Variants in KRT86 observed in about 807,000 individuals in gnomAD.
KRT86 encodes keratin 86.
In KRT86, 30 loss-of-function variants were observed where a neutral mutation model predicts 41.2. The observed-to-expected ratio is 0.73, with a 90% confidence interval of 0.54 to 0.99. The LOEUF (loss-of-function observed/expected upper bound fraction) is 0.99, where lower values mean the gene tolerates loss of function less well. KRT86 is among the 50% of genes least tolerant of loss of function. KRT86 has a pLI of 0.00. For synonymous variants in KRT86, 238 were observed against 238.1 expected, an observed-to-expected ratio of 1.00 and a Z score of 0.00; for missense variants, 561 against 571.4, an observed-to-expected ratio of 0.98 and a Z score of 0.19.
chr12:52,288,642 T>A (rs1938045506), intron 2 of KRT86, among the ~76,000 whole-genome samples: 1 of 152,092 alleles, frequency 6.6e-6, no homozygotes, highest in Non-Finnish European at 1.5e-5. Flanking sequence ...TGACAAACCC[T>A]GTTTGCCTTG....
intron 2 of KRT86, among the ~76,000 whole-genome samples, chr12:52,294,126 C>G (rs773139980): frequency 1.3e-5 from 2 of 152,166 alleles, no homozygotes; most frequent in Non-Finnish European, 2.9e-5. Context: ...GCCAGCACTT[C>G]TGAAGCTCTT....
intron 2 of KRT86, among the ~76,000 whole-genome samples, chr12:52,288,684 G>A (rs1370973109): frequency 4.0e-5 from 6 of 151,680 alleles, no homozygotes; most frequent in Non-Finnish European, 8.8e-5. Context: ...ACCCCTCCTT[G>A]CCCTCCTGTC....
At position 52,291,335 on chromosome 12, in the gene KRT86, C is replaced by T. The variant is rs1332292612; in HGVS notation, c.-4-10578C>T. On this transcript the variant is annotated intron_variant, in intron 2 of 10. Transcript: ENST00000423955. ...TCCGCACACGCTGTGGCTGCCGAAG[C>T]CCCCGGTGAGGCCGCGGTAGCAGGA... is the stretch of plus-strand genomic sequence containing the variant. 1.9e-6 allele frequency: 3 copies of T among 1,560,138 alleles called. No individual in the cohort carries two copies. Among genetic ancestry groups the T allele is most frequent in the African/African-American group, 1.4e-5 (1 of 73,414 alleles).
intron 2 of KRT86, chr12:52,291,145 C>T: frequency 4.8e-6 from 5 of 1,048,398 alleles, no homozygotes; most frequent in Non-Finnish European, 6.6e-6. Flanking sequence ...TGATCTGCTC[C>T]TTCTCCTCCT....
intron 2 of KRT86, among the ~76,000 whole-genome samples, chr12:52,282,236 A>AT (rs11376852): frequency 0.18 from 26,058 of 145,548 alleles, 2,526 homozygotes; most frequent in Non-Finnish European, 0.23. Context: ...CCCTGAAACA[A>AT]TTTTTTTTTT....
chr12:52,304,697 G>A (rs1276367813), intron 5 of KRT86, among the ~76,000 whole-genome samples: 1 of 151,818 alleles, frequency 6.6e-6, no homozygotes, highest in Admixed American at 6.6e-5. Flanking sequence ...GGAGAGATAA[G>A]AGGGTAAGGA....
intron 2 of KRT86, chr12:52,291,499 G>A (rs1750811612): frequency 1.9e-6 from 3 of 1,610,472 alleles, no homozygotes; most frequent in Admixed American, 3.3e-5. Context: ...CAGAGGACAG[G>A]ATAGGGGACC....
Position 52,301,986 on chromosome 12 carries a change from C to T in KRT86, c.70C>T (p.Arg24Cys). 2 of 1,613,238 alleles carry T rather than the reference C, an allele frequency of 1.2e-6. No homozygotes were observed. The highest frequency in any genetic ancestry group is 1.1e-5 in the South Asian group (1 of 91,056). The change falls in exon 3 of 11, where the codon CGC becomes TGC. Residue 24 changes from arginine to cysteine, a missense_variant. By Grantham distance (180) the Arg-to-Cys change is radical. Transcript: ENST00000423955. ...CTCGGCCTGCGGGCCCCGGCCCGGC[C>T]GCTGCTGCATCACCGCCGCCCCCTA... ...CISACGPRPGRCCITAAPYRG... is the reference protein window; with the variant it reads ...CISACGPRPGCCCITAAPYRG...
At position 52,306,127 on chromosome 12, in the gene KRT86, G is replaced by C; in HGVS notation, c.1094G>C (p.Arg365Pro). The C allele has an allele frequency of 6.2e-7, 1 of 1,614,010 alleles. No homozygotes were observed. The highest frequency in any genetic ancestry group is 8.5e-7 in the Non-Finnish European group (1 of 1,180,040). ...QQGEAALSDA[R>P]CKLAELEGAL... ...GGTGAGGCGGCCCTCAGCGATGCCCGCTGCAAGTTGGCCGAGCTGGAGGGT... is the reference window on the plus strand; with the variant it reads ...GGTGAGGCGGCCCTCAGCGATGCCCCCTGCAAGTTGGCCGAGCTGGAGGGT... Residue 365 changes from arginine (R) to proline (P), a missense_variant, in exon 9 of 11, where the codon CGC (arginine) becomes CCC (proline). Around this residue, in one of 3 missense-constraint regions of KRT86, gnomAD observed 397 missense variants for 375.9 expected, o/e 1.06. Transcript: ENST00000423955.
chr12:52,292,820 T>G (rs1202897275), intron 2 of KRT86, among the ~76,000 whole-genome samples: 2 of 152,154 alleles, frequency 1.3e-5, no homozygotes, highest in African/African-American at 2.4e-5. Context: ...CCAGGAAGCA[T>G]AAAATGTCAG....
chr12:52,296,810 G>C (rs1938261525), intron 2 of KRT86, among the ~76,000 whole-genome samples: 1 of 152,224 alleles, frequency 6.6e-6, no homozygotes, highest in African/African-American at 2.4e-5. Flanking sequence ...TGAGTAGAAA[G>C]CATGAGCCAG....
chr12:52,281,722 T>C (rs1937775493), intron 2 of KRT86, among the ~76,000 whole-genome samples: 1 of 152,162 alleles, frequency 6.6e-6, no homozygotes, highest in Non-Finnish European at 1.5e-5. Flanking sequence ...AGATTCTTTT[T>C]TTCCTTCTTA....
chr12:52,308,251 C>G lies in KRT86; in HGVS notation c.1266C>G (p.Gly422=). The G allele has an allele frequency of 6.2e-7, 1 of 1,614,224 alleles. No individual in the cohort carries two copies. The highest frequency in any genetic ancestry group is 2.2e-5 in the East Asian group (1 of 44,886). The change falls in exon 10 of 11, where the codon GGC becomes GGG. Residue 422 remains glycine (G), a synonymous_variant. Coordinates refer to ENST00000423955, the MANE Select transcript of KRT86 (RefSeq NM_001320198.2). The part of the protein sequence containing the change: ...GEEQRLCEGV[G]SVNVCVSSSR... ...CCTGCAGGCTGTGCGAGGGCGTCGG[C>G]TCGGTGAATGTCTGTAAGTAGTGGG...
rs1002823327 is a variant in KRT86, at chr12:52,306,470, T to G, written c.1247+190T>G. 5.0e-6 allele frequency: 4 copies of G among 797,714 alleles called. No homozygotes were observed. The African/African-American group carries it at 6.9e-5, about 14-fold the overall frequency. 49.4% of individuals were successfully genotyped at this position (797,714 alleles called of 1,614,324 possible). A position where few individuals can be genotyped will look rare whatever the true frequency, so the allele number is the denominator to read the frequency against. ...TCTCTCATGTTCACCCAGGCACTGA[T>G]CTGAGATTGCAGTCTTGTTCATCTC... On this transcript the variant is annotated intron_variant, in intron 9 of 10. Coordinates refer to ENST00000423955, the MANE Select transcript of KRT86 (RefSeq NM_001320198.2).
intron 2 of KRT86, among the ~76,000 whole-genome samples, chr12:52,283,417 G>T (rs956497122): frequency 1.1e-5 from 1 of 87,714 alleles, no homozygotes; most frequent in African/African-American, 4.5e-5. Context: ...AAAAAAAAAA[G>T]AATAATAGAG....
chr12:52,300,352 A>C (rs879212363), intron 2 of KRT86, among the ~76,000 whole-genome samples: 1 of 152,180 alleles, frequency 6.6e-6, no homozygotes, highest in Non-Finnish European at 1.5e-5. Context: ...GGTTGGTTCA[A>C]TTAGTGGGTC....
Position 52,308,387 on chromosome 12 carries a change from G to T in KRT86, c.1280-17G>T, listed in dbSNP as rs781459720. 1 of 1,611,220 alleles carries T rather than the reference G, an allele frequency of 6.2e-7. No individual in the cohort carries two copies. Among genetic ancestry groups the T allele is most frequent in the African/African-American group, 1.3e-5 (1 of 75,052 alleles). ...GCGGCTGCGCCTGACGCGCGCCTCC[G>T]TCTCTTTCCCCTGCAGGCGTCAGCA... is the stretch of plus-strand genomic sequence containing the variant. On this transcript the variant is annotated splice_polypyrimidine_tract_variant and intron_variant, in intron 10 of 10. Coordinates refer to ENST00000423955, the MANE Select transcript of KRT86 (RefSeq NM_001320198.2).
At position 52,286,702 on chromosome 12, in the gene KRT86, T is replaced by C. The variant is rs915609232; in HGVS notation, c.-5+10756T>C. 7 of 1,427,534 alleles carry C rather than the reference T, an allele frequency of 4.9e-6. No homozygotes were observed. In the Admixed American group the frequency reaches 5.2e-5, roughly 11 times the overall value. The allele number at this position is 1,427,534 out of a possible 1,614,324, so 88.4% of individuals were successfully genotyped here. On this transcript the variant is annotated intron_variant, in intron 2 of 10. Transcript: ENST00000423955. ...TGTGATGCCAGCCCACTCTTTTATA[T>C]TCAATCTCAGTAACACTCCTTTTTC...
intron 8 of KRT86, 67 bp from the exon 9 acceptor site, chr12:52,305,993 C>T (rs981428859): frequency 1.3e-5 from 21 of 1,598,260 alleles, no homozygotes; most frequent in African/African-American, 1.2e-4. Flanking sequence ...GGAGCATGGT[C>T]TCATCGAGGT....
Sources: allele counts gnomAD v4.1 joint callset (sites outside exome capture counted in the v4.1 genomes callset), GRCh38; gene constraint gnomAD v4.1.1; regional missense constraint gnomAD v4.1.1; transcripts MANE v1.5; gene names NCBI Gene and HGNC (gene_info 2026-07-23, HGNC 2026-07-21).